Variants in ABCC9 observed in about 807,000 individuals in gnomAD.
ABCC9 encodes ATP-binding cassette sub-family C member 9.
ABCC9 carries 95 observed loss-of-function variants against 188.3 expected under a neutral mutation model. The ratio of observed to expected loss-of-function variants is 0.50; its 90% CI spans 0.43 to 0.60. The LOEUF (loss-of-function observed/expected upper bound fraction) is 0.60, where lower values mean the gene tolerates loss of function less well. Among genes scored for constraint, ABCC9 ranks in the 20% least tolerant of loss-of-function variants. The probability of loss-of-function intolerance (pLI) is 0.00; values close to 1 mark genes in which losing one functional copy is unlikely to be tolerated. For missense variants in ABCC9, 1,102 were observed against 1,876.3 expected (o/e 0.59, Z 7.62); for synonymous variants, 659 against 652.7 (o/e 1.01, Z -0.15).
Position 21,863,066 on chromosome 12 carries a change from A to G in ABCC9, c.2238-12T>C, listed in dbSNP as rs1055819664. On this transcript the variant is annotated splice_polypyrimidine_tract_variant and intron_variant, in intron 19 of 39. Coordinates refer to ENST00000261200, the MANE Select transcript of ABCC9 (RefSeq NM_020297.4). Reference sequence around the variant, plus strand: ...AGTACCTGTTCCTACTGAAAAATGAAAAAGAAAAAAAAAAACACCAGGATT... The same window carrying G: ...AGTACCTGTTCCTACTGAAAAATGAGAAAGAAAAAAAAAAACACCAGGATT... 6.5e-7 allele frequency: 1 copy of G among 1,539,080 alleles called. No individual in the cohort carries two copies. Among genetic ancestry groups the G allele is most frequent in the Non-Finnish European group, 8.9e-7 (1 of 1,123,544 alleles).
chr12:21,921,750 A>G (rs987307192), intron 5 of ABCC9, among the ~76,000 whole-genome samples: 12 of 152,076 alleles, frequency 7.9e-5, no homozygotes, highest in African/African-American at 2.4e-4. Flanking sequence ...GTTTTTGTAC[A>G]TGGTGAGAGA....
chr12:21,873,258 T>C (rs1946172725), intron 17 of ABCC9, among the ~76,000 whole-genome samples: 1 of 152,042 alleles, frequency 6.6e-6, no homozygotes, highest in Non-Finnish European at 1.5e-5. Flanking sequence ...AATTACTGGG[T>C]TTATTCCTAA....
At chr12:21,845,973 G>C in intron 25 of ABCC9, 141 bp from the exon 26 acceptor site, 2 of 692,564 alleles carry the variant, frequency 2.9e-6, no homozygotes, top group Non-Finnish European at 2.5e-6. Flanking sequence ...GCTTTTAGTA[G>C]GGCAAACCTT....
chr12:21,930,719 C>T (rs1714820667), intron 4 of ABCC9, among the ~76,000 whole-genome samples: 1 of 152,068 alleles, frequency 6.6e-6, no homozygotes, highest in African/African-American at 2.4e-5. Context: ...AGATGCCCTT[C>T]AGTGGGCAAA....
In ABCC9 at chr12:21,838,084, G is replaced by A; in HGVS notation, c.3560C>T (p.Ala1187Val). The part of the protein sequence containing the change: ...ETAEGLTTIR[A>V]FRHETRFKQR... ...TAAAAATGTGTTTACTCACCTAAAG[G>A]CCCGAATGGTGGTGAGTCCTTCTGC... The change falls in exon 30 of 40, where the codon GCC (alanine) becomes GTC (valine). Residue 1187 changes from alanine to valine, a missense_variant. Physicochemically the swap from Ala to Val is moderately conservative, Grantham distance 64. Coordinates refer to ENST00000261200, the MANE Select transcript of ABCC9 (RefSeq NM_020297.4). 6 of 1,612,862 alleles carry A rather than the reference G, an allele frequency of 3.7e-6. No homozygotes were observed. Among genetic ancestry groups the A allele is most frequent in the Non-Finnish European group, 5.1e-6 (6 of 1,178,874 alleles).
chr12:21,875,760 G>A, intron 16 of ABCC9, 34 bp from the exon 17 acceptor site: 2 of 1,486,990 alleles, frequency 1.3e-6, no homozygotes, highest in Middle Eastern at 1.7e-4. Flanking sequence ...TAAATTATAT[G>A]TGTGGTATCA....
chr12:21,899,709 A>G (rs954660949), intron 12 of ABCC9, among the ~76,000 whole-genome samples: 1 of 152,116 alleles, frequency 6.6e-6, no homozygotes, highest in Non-Finnish European at 1.5e-5. Context: ...AGCCTCACTT[A>G]TTGCTAGCAC....
At chr12:21,887,034 A>G (rs984897052) in intron 15 of ABCC9, among the ~76,000 whole-genome samples, 1 of 152,052 alleles carries the variant, frequency 6.6e-6, no homozygotes, top group African/African-American at 2.4e-5. Flanking sequence ...TTTGCTTATC[A>G]ATTCCTGCCT....
intron 15 of ABCC9, among the ~76,000 whole-genome samples, 199 bp downstream of exon 15, chr12:21,887,627 T>C (rs1946946452): frequency 6.6e-6 from 1 of 152,180 alleles, no homozygotes. Flanking sequence ...TAATTTTTTC[T>C]GGATTTATAA....
At chr12:21,831,420 T>C (rs1173923326) in intron 30 of ABCC9, among the ~76,000 whole-genome samples, 2 of 152,172 alleles carry the variant, frequency 1.3e-5, no homozygotes, top group Middle Eastern at 3.4e-3. Context: ...ACTGAGGATA[T>C]AGGAACAAGA....
chr12:21,863,414 T>C (rs1184099955), intron 19 of ABCC9, among the ~76,000 whole-genome samples: 1 of 152,150 alleles, frequency 6.6e-6, no homozygotes, highest in Non-Finnish European at 1.5e-5. Flanking sequence ...TTTATACTAA[T>C]AGCACTTTAT....
In ABCC9 at chr12:21,803,264, T is replaced by C. The variant is rs554087818; in HGVS notation, c.4513-2083A>G. Among the ~76,000 whole-genome samples, 14 of 152,180 alleles carry C rather than the reference T, an allele frequency of 9.2e-5. No individual in the cohort carries two copies. In the South Asian group the frequency reaches 2.9e-3, roughly 32 times the overall value. Reference sequence around the variant, plus strand: ...TATTAGCTGTTCAATAGCCATATCATGGATGTCTAAAAAAAGAATTTGGCC... The same window carrying C: ...TATTAGCTGTTCAATAGCCATATCACGGATGTCTAAAAAAAGAATTTGGCC... On this transcript the variant is annotated intron_variant, in intron 39 of 39. Coordinates refer to ENST00000261200, the MANE Select transcript of ABCC9 (RefSeq NM_020297.4).
intron 21 of ABCC9, 43 bp from the exon 22 acceptor site, chr12:21,859,709 T>C: frequency 1.3e-6 from 2 of 1,510,918 alleles, no homozygotes; most frequent in Non-Finnish European, 1.8e-6. Context: ...TTAATATTAG[T>C]AAATGATCTT....
chr12:21,856,351 A>T (rs1945223584), intron 22 of ABCC9, among the ~76,000 whole-genome samples: 1 of 152,090 alleles, frequency 6.6e-6, no homozygotes, highest in Admixed American at 6.6e-5. Flanking sequence ...TATGTTATTT[A>T]TTCTAATATA....
At chr12:21,900,056 C>T (rs187172860) in intron 12 of ABCC9, among the ~76,000 whole-genome samples, 1 of 152,166 alleles carries the variant, frequency 6.6e-6, no homozygotes. Flanking sequence ...TGGGAGGCAC[C>T]CCCAGTAGGG....
chr12:21,908,252 T>G (rs1232083305), intron 10 of ABCC9, 41 bp from the exon 11 acceptor site: 1 of 1,606,326 alleles, frequency 6.2e-7, no homozygotes, highest in Non-Finnish European at 8.5e-7. Flanking sequence ...ATGAATGGGT[T>G]GTGGGAGCCA....
chr12:21,844,301 A>G (rs1944524573), intron 28 of ABCC9, among the ~76,000 whole-genome samples, 182 bp downstream of exon 28: 2 of 152,206 alleles, frequency 1.3e-5, no homozygotes, highest in Non-Finnish European at 2.9e-5. Context: ...GTCTGAGTTA[A>G]GATTTTCCTT....
At chr12:21,801,274 AT>A in intron 39 of ABCC9, 93 bp from the exon 40 acceptor site, 3 of 1,538,652 alleles carry the variant, frequency 1.9e-6, no homozygotes, top group Non-Finnish European at 2.7e-6. Context: ...ATTCTGGGAC[AT>A]TTGTTTATCT....
chr12:21,885,829 G>C (rs1373381539), intron 15 of ABCC9, among the ~76,000 whole-genome samples: 2 of 152,038 alleles, frequency 1.3e-5, no homozygotes, highest in Non-Finnish European at 2.9e-5. Flanking sequence ...AGAAGGAAAC[G>C]AGTCTAAATA....
Sources: gnomAD v4.1 joint callset for allele counts (sites outside exome capture counted in the v4.1 genomes callset) on GRCh38, gnomAD v4.1.1 for gene constraint, MANE v1.5 for transcripts, NCBI Gene and HGNC (gene_info 2026-07-23, HGNC 2026-07-21) for gene names.